Variants in DMXL1 observed in about 807,000 individuals in gnomAD.
DMXL1 encodes Dmx like 1.
A neutral mutation model predicts 319.2 loss-of-function variants in DMXL1; 99 were observed. That is an observed-to-expected ratio of 0.31 (90% confidence interval 0.26 to 0.37). The LOEUF (loss-of-function observed/expected upper bound fraction) is 0.37, where lower values mean the gene tolerates loss of function less well. Ranked by LOEUF, DMXL1 falls within the 10% of genes least tolerant of loss-of-function variation. The pLI, the probability that DMXL1 is intolerant of heterozygous loss-of-function variation, is 1.00. For synonymous variants in DMXL1, 1,385 were observed against 1,235.2 expected (o/e 1.12, Z -2.54); for missense variants, 3,745 against 3,595.6 (o/e 1.04, Z -1.06).
intron 4 of DMXL1, among the ~76,000 whole-genome samples, chr5:119,109,417 A>G (rs987077024): frequency 6.6e-6 from 1 of 151,166 alleles, no homozygotes; most frequent in Non-Finnish European, 1.5e-5. Context: ...TTTTGTAACA[A>G]CTCCCCCACA....
intron 1 of DMXL1, chr5:119,081,559 G>A: frequency 1.0e-6 from 1 of 985,284 alleles, no homozygotes; most frequent in Non-Finnish European, 1.2e-6. Context: ...TTCTGGTTAA[G>A]TTTTGTTTTT....
At chr5:119,116,753 A>G (rs1030981816) in intron 7 of DMXL1, among the ~76,000 whole-genome samples, 6 of 152,126 alleles carry the variant, frequency 3.9e-5, no homozygotes, top group Non-Finnish European at 7.3e-5. Context: ...TATTAAGAGG[A>G]TATATCATGA....
At chr5:119,133,097 G>A (rs1360820722) in intron 10 of DMXL1, 35 bp from the exon 11 acceptor site, 1 of 1,607,930 alleles carries the variant, frequency 6.2e-7, no homozygotes, top group South Asian at 1.1e-5. Flanking sequence ...TAACCTGTTT[G>A]TATTTACTTG....
chr5:119,080,240 G>A (rs547356293), intron 1 of DMXL1, among the ~76,000 whole-genome samples: 50 of 152,168 alleles, frequency 3.3e-4, no homozygotes, highest in Non-Finnish European at 5.3e-4. Flanking sequence ...TCAGCTACTC[G>A]GGAGGTTGAG....
rs754833947 is a variant in DMXL1, at chr5:119,149,404, C to T, written c.3577C>T (p.Pro1193Ser). Residue 1193 changes from proline to serine, a missense_variant, in exon 18 of 44, where the codon CCC becomes TCC. Pro to Ser is a moderately conservative substitution (Grantham distance 74). Transcript: ENST00000539542. ...TCTCTGGGAGAGTACCAAAGTTGTGCCCCTTTCTAAATTTGTACTATTACG... is the reference window on the plus strand; with the variant it reads ...TCTCTGGGAGAGTACCAAAGTTGTGTCCCTTTCTAAATTTGTACTATTACG... Reference protein sequence around the residue: ...FPLWESTKVVPLSKFVLLRSV... With the variant: ...FPLWESTKVVSLSKFVLLRSV... 2 of 1,613,886 alleles carry T rather than the reference C, an allele frequency of 1.2e-6. No individual in the cohort carries two copies. Among genetic ancestry groups the T allele is most frequent in the African/African-American group, 1.3e-5 (1 of 74,992 alleles).
intron 38 of DMXL1, among the ~76,000 whole-genome samples, chr5:119,229,880 G>T (rs1024846726): frequency 6.6e-6 from 1 of 152,094 alleles, no homozygotes; most frequent in African/African-American, 2.4e-5. Context: ...GTTTTTCAGT[G>T]TGTCACAGGA....
chr5:119,160,950 T>G (rs563817939), intron 19 of DMXL1, among the ~76,000 whole-genome samples: 13 of 152,232 alleles, frequency 8.5e-5, no homozygotes, highest in Non-Finnish European at 1.3e-4. Flanking sequence ...ATTCCAAATA[T>G]TCGTCAGTCA....
In DMXL1 at chr5:119,149,065, A is replaced by G. The variant is rs1769204221; in HGVS notation, c.3238A>G (p.Ile1080Val). ...SSQDFVMHVS[I>V]FECESTGGSC... ...CCAGGACTTTGTGATGCATGTAAGT[A>G]TTTTTGAATGTGAGTCAACAGGAGG... The change falls in exon 18 of 44, where the codon ATT (isoleucine) becomes GTT (valine). Residue 1080 changes from isoleucine (I) to valine (V), a missense_variant. Ile to Val is a conservative substitution (Grantham distance 29, BLOSUM62 3). Transcript: ENST00000539542. The G allele has an allele frequency of 6.2e-7, 1 of 1,613,808 alleles. No individual in the cohort carries two copies. Among genetic ancestry groups the G allele is most frequent in the Admixed American group, 1.7e-5 (1 of 59,988 alleles).
At chr5:119,127,905 T>G (rs142513049) in intron 9 of DMXL1, 7,351 of 360,306 alleles carry the variant, frequency 0.02, 122 homozygotes, top group Non-Finnish European at 0.025. Flanking sequence ...GATATTCACT[T>G]TTTCAAGCAA....
At chr5:119,212,355 A>C (rs1782952264) in intron 34 of DMXL1, among the ~76,000 whole-genome samples, 1 of 152,184 alleles carries the variant, frequency 6.6e-6, no homozygotes, top group Admixed American at 6.6e-5. Flanking sequence ...AATGTCTTTG[A>C]GGTTCATCCA....
intron 9 of DMXL1, among the ~76,000 whole-genome samples, chr5:119,122,443 A>AC (rs1424415570): frequency 1.4e-4 from 18 of 127,274 alleles, no homozygotes; most frequent in Non-Finnish European, 2.0e-4. Context: ...CGGGGGGCTA[A>AC]CCCCCCCCAC....
intron 9 of DMXL1, among the ~76,000 whole-genome samples, chr5:119,123,536 C>A (rs1054840643): frequency 6.6e-6 from 1 of 152,044 alleles, no homozygotes; most frequent in African/African-American, 2.4e-5. Context: ...CCTTTAAGGC[C>A]ATGACTTGAC....
intron 1 of DMXL1, among the ~76,000 whole-genome samples, chr5:119,073,761 T>C (rs893635748): frequency 6.6e-6 from 1 of 152,158 alleles, no homozygotes; most frequent in African/African-American, 2.4e-5. Flanking sequence ...CAGTCATGGT[T>C]TTCCTTTGCA....
chr5:119,117,439 A>G (rs1761093410), intron 7 of DMXL1, among the ~76,000 whole-genome samples: 1 of 152,104 alleles, frequency 6.6e-6, no homozygotes, highest in African/African-American at 2.4e-5. Flanking sequence ...TGCTGACTAG[A>G]TGTTTTGAGC....
chr5:119,072,082 G>A (rs1303962349), intron 1 of DMXL1, among the ~76,000 whole-genome samples: 1 of 151,908 alleles, frequency 6.6e-6, no homozygotes, highest in Non-Finnish European at 1.5e-5. Flanking sequence ...TTAAAAAGTG[G>A]GTGTCTCAAA....
rs1244606880 is a variant in DMXL1 at position 119,133,347 on chromosome 5, C to G, written c.1531C>G (p.Leu511Val). 1.2e-6 allele frequency: 2 copies of G among 1,613,534 alleles called. No individual in the cohort carries two copies. Among genetic ancestry groups the G allele is most frequent in the African/African-American group, 2.7e-5 (2 of 74,926 alleles). The change falls in exon 11 of 44, where the codon CTG becomes GTG. Residue 511 changes from leucine to valine, a missense_variant. Leu to Val is a conservative substitution (Grantham distance 32, BLOSUM62 1). This residue lies in a region of DMXL1 where 2,096 missense variants were observed against 1,985.4 expected (regional missense o/e 1.06). Coordinates refer to ENST00000539542, the MANE Select transcript of DMXL1 (RefSeq NM_001290321.3). ...TTTGCTAGTTTGGCATGTGGATTGG[C>G]TGGATGAATACCAGCCTGGTATGTT... ...GSLLVWHVDW[L>V]DEYQPGMFRQ...
intron 9 of DMXL1, among the ~76,000 whole-genome samples, chr5:119,124,381 T>C (rs996191495): frequency 5.3e-5 from 8 of 151,948 alleles, no homozygotes; most frequent in Non-Finnish European, 1.0e-4. Flanking sequence ...TGTGACTGTC[T>C]TGAATGCTTT....
In DMXL1 at chr5:119,247,118, T is replaced by G; in HGVS notation, c.9046T>G (p.Phe3016Val). Residue 3016 changes from phenylalanine to valine, a missense_variant, in exon 44 of 44, where the codon TTC becomes GTC. By Grantham distance (50) the Phe-to-Val change is conservative. Coordinates refer to ENST00000539542, the MANE Select transcript of DMXL1 (RefSeq NM_001290321.3). ...QIETGPANHIFSCGADGTMKM... is the reference protein window; with the variant it reads ...QIETGPANHIVSCGADGTMKM... ...TGAGACAGGGCCTGCAAATCACATT[T>G]TCTCCTGTGGAGCTGATGGAACAAT... 6.2e-7 allele frequency: 1 copy of G among 1,614,170 alleles called. No individual in the cohort carries two copies. The highest frequency in any genetic ancestry group is 2.2e-5 in the East Asian group (1 of 44,884).
At chr5:119,227,868 TACTC>T (rs1159935865) in intron 38 of DMXL1, among the ~76,000 whole-genome samples, 1 of 152,212 alleles carries the variant, frequency 6.6e-6, no homozygotes, top group African/African-American at 2.4e-5. Context: ...AAAATAAGAA[TACTC>T]ACTAATAGCT....
Sources: gnomAD v4.1 joint callset for allele counts (sites outside exome capture counted in the v4.1 genomes callset) on GRCh38, gnomAD v4.1.1 for gene constraint, gnomAD v4.1.1 regional missense constraint, MANE v1.5 for transcripts, NCBI Gene and HGNC (gene_info 2026-07-23, HGNC 2026-07-21) for gene names.